The following NCF2 variants were observed in gnomAD, a reference collection of about 807,000 sequenced individuals.
The protein encoded by NCF2 is neutrophil cytosolic factor 2, also known as neutrophil cytosol factor 2.
In NCF2, 45 loss-of-function variants were observed where a neutral mutation model predicts 70.9. The observed-to-expected ratio is 0.63, with a 90% CI of 0.50 to 0.81. The LOEUF (loss-of-function observed/expected upper bound fraction) is 0.81, where lower values mean the gene tolerates loss of function less well. NCF2 is among the 40% of genes least tolerant of loss of function. NCF2 has a pLI of 0.00. For synonymous variants in NCF2, 203 were observed against 233.6 expected (o/e 0.87, Z 1.19); for missense variants, 522 against 631.6 (o/e 0.83, Z 1.86).
rs1558087924 is a variant in NCF2, at chr1:183,556,081, GCTT to G, written c.*34_*36del. ...CTAAATCTTACAAACAAGTAATAGGGCTTCATTTTCTTCAGCTTTGTAGTTTGT... is the reference window on the plus strand; with the variant it reads ...CTAAATCTTACAAACAAGTAATAGGGCATTTTCTTCAGCTTTGTAGTTTGT... On this transcript the variant is annotated 3_prime_UTR_variant, in exon 15 of 15. Transcript: ENST00000367535. 1.3e-6 allele frequency: 2 copies of G among 1,529,526 alleles called. No homozygotes were observed. Among genetic ancestry groups the G allele is most frequent in the Middle Eastern group, 1.7e-4 (1 of 5,906 alleles). 94.7% of individuals were successfully genotyped at this position (1,529,526 alleles called of 1,614,324 possible).
At chr1:183,601,401 A>T in the NCF2 span, among the ~76,000 whole-genome samples, 1 of 152,216 alleles carries the variant, frequency 6.6e-6, no homozygotes, top group African/African-American at 2.4e-5. Flanking sequence ...TATATACATC[A>T]TTTCACACGT....
Position 183,590,452 on chromosome 1 carries a change from A to G in NCF2, c.-123T>C, listed in dbSNP as rs778540553. ...AGGTGTTCACTTTCTGGGCCAGATG[A>G]GTAGAATGGGGCCCAGCCTCCCTTA... On this transcript the variant is annotated 5_prime_UTR_variant, in exon 1 of 15. Transcript: ENST00000367535. 2 of 1,022,228 alleles carry G rather than the reference A, an allele frequency of 2.0e-6. No homozygotes were observed. Among genetic ancestry groups the G allele is most frequent in the East Asian group, 2.5e-5 (1 of 40,022 alleles). The allele number at this position is 1,022,228 out of a possible 1,614,324, so 63.3% of individuals were successfully genotyped here.
rs987799830 is a variant in NCF2 at position 183,555,785 on chromosome 1, T to C, written c.*333A>G. 3 of 344,326 alleles carry C rather than the reference T, an allele frequency of 8.7e-6. No homozygotes were observed. Among genetic ancestry groups the C allele is most frequent in the African/African-American group, 6.2e-5 (3 of 48,240 alleles). 21.3% of individuals were successfully genotyped at this position (344,326 alleles called of 1,614,324 possible). A position where few individuals can be genotyped will look rare whatever the true frequency, so the allele number is the denominator to read the frequency against. ...CCAAATGTACAGCTTGATGAATGTT[T>C]ACAGTGTGAACACAGCTGGCTAGCT... On this transcript the variant is annotated 3_prime_UTR_variant, in exon 15 of 15. Transcript: ENST00000367535.
In NCF2 at chr1:183,586,035, T is replaced by C. The variant is rs789187; in HGVS notation, c.257+860A>G. Among the ~76,000 whole-genome samples, 513 of 152,292 alleles carry C rather than the reference T, an allele frequency of 3.4e-3. 4 individuals carry two copies. Among genetic ancestry groups the C allele is most frequent in the African/African-American group, 0.012 (492 of 41,556 alleles). ...GCTATATGAACTGTTTTGAAATCTG[T>C]TTTTAAATTTAACATCTGGCTGGGC... is the stretch of plus-strand genomic sequence containing the variant. On this transcript the variant is annotated intron_variant, in intron 2 of 14. Coordinates refer to ENST00000367535, the MANE Select transcript of NCF2 (RefSeq NM_000433.4).
intron 13 of NCF2, among the ~76,000 whole-genome samples, chr1:183,561,825 A>G (rs2102879415): frequency 9.3e-6 from 1 of 108,006 alleles, no homozygotes; most frequent in Admixed American, 1.3e-4. Context: ...TTTGAGGCAG[A>G]ATCTCTCTGT....
intron 14 of NCF2, among the ~76,000 whole-genome samples, chr1:183,559,121 C>T (rs1218911505): frequency 4.6e-5 from 7 of 152,154 alleles, no homozygotes; most frequent in Non-Finnish European, 1.5e-5. Flanking sequence ...GTGGGCCCCA[C>T]CCCAGACCTG....
intron 6 of NCF2, 42 bp from the exon 7 acceptor site, chr1:183,569,227 AG>A (rs1195005357): frequency 1.3e-6 from 2 of 1,572,044 alleles, no homozygotes; most frequent in Non-Finnish European, 1.8e-6. Context: ...AAAGGCAATG[AG>A]GGAAAGCAGG....
chr1:183,593,079 C>G (rs914321073), upstream of NCF2, among the ~76,000 whole-genome samples: 1 of 152,192 alleles, frequency 6.6e-6, no homozygotes, highest in African/African-American at 2.4e-5. Context: ...TCTCCTTCTC[C>G]GCACCTCCCA....
chr1:183,589,239 C>G (rs1254136683), intron 1 of NCF2, among the ~76,000 whole-genome samples: 2 of 152,188 alleles, frequency 1.3e-5, no homozygotes, highest in African/African-American at 4.8e-5. Context: ...CCACACCTTG[C>G]AAAGACTGGC....
At chr1:183,579,659 A>G (rs1672966969) in intron 2 of NCF2, among the ~76,000 whole-genome samples, 1 of 150,738 alleles carries the variant, frequency 6.6e-6, no homozygotes, top group African/African-American at 2.4e-5. Context: ...GAATGGCATG[A>G]ACCCAGGAGG....
Position 183,566,872 on chromosome 1 carries a change from A to G in NCF2, c.924+48T>C, listed in dbSNP as rs189877222. The G allele has an allele frequency of 9.7e-5, 156 of 1,602,944 alleles. No individual in the cohort carries two copies. The African/African-American group carries it at 1.8e-3, about 19-fold the overall frequency. ...CTGCTTTTCTCCCCTCCAGGGAGAG[A>G]TCCCTAAAGGGTGAGAGGAAATGGG... On this transcript the variant is annotated intron_variant, in intron 9 of 14. Transcript: ENST00000367535.
At position 183,572,507 on chromosome 1, in the gene NCF2, A is replaced by G. The variant is rs143704221; in HGVS notation, c.609+678T>C. On this transcript the variant is annotated intron_variant, in intron 5 of 14. Coordinates refer to ENST00000367535, the MANE Select transcript of NCF2 (RefSeq NM_000433.4). ...AAGACCTGGATTTAGAAGAAGTCCAATTTAAGACATAGTCTAAACATAGGG... is the reference window on the plus strand; with the variant it reads ...AAGACCTGGATTTAGAAGAAGTCCAGTTTAAGACATAGTCTAAACATAGGG... Among the ~76,000 whole-genome samples the G allele has an allele frequency of 4.2e-3, 646 of 152,318 alleles. 3 individuals carry two copies. Among genetic ancestry groups the G allele is most frequent in the Non-Finnish European group, 7.1e-3 (480 of 68,030 alleles).
intron 2 of NCF2, among the ~76,000 whole-genome samples, chr1:183,584,349 G>A (rs145441637): frequency 1.2e-3 from 182 of 152,294 alleles, no homozygotes; most frequent in African/African-American, 4.2e-3. Flanking sequence ...AGGGAATTGC[G>A]CAAGAGGGCC....
intron 13 of NCF2, among the ~76,000 whole-genome samples, chr1:183,562,405 C>T (rs1672103006): frequency 6.6e-6 from 1 of 152,102 alleles, no homozygotes; most frequent in South Asian, 2.1e-4. Flanking sequence ...TCACTCTTAC[C>T]CCCAGGATCC....
At chr1:183,573,335 G>C in intron 4 of NCF2, 43 bp from the exon 5 acceptor site, 2 of 1,559,616 alleles carry the variant, frequency 1.3e-6, no homozygotes, top group South Asian at 1.1e-5. Flanking sequence ...TGAAAATGGG[G>C]GTGACGATGC....
At chr1:183,594,478 A>G (rs1318458361), upstream of NCF2, among the ~76,000 whole-genome samples, 1 of 152,194 alleles carries the variant, frequency 6.6e-6, no homozygotes, top group Non-Finnish European at 1.5e-5. Context: ...GTTTGGTTAG[A>G]TAATAAGTTT....
At chr1:183,575,327 G>A (rs775556290) in intron 3 of NCF2, among the ~76,000 whole-genome samples, 4 of 152,300 alleles carry the variant, frequency 2.6e-5, no homozygotes, top group African/African-American at 4.8e-5. Context: ...AAAATTAGCT[G>A]GGCATGGTGG....
chr1:183,599,423 CTTCTTTCTTTCTTTCTTTCT>C, the NCF2 span, among the ~76,000 whole-genome samples: 21 of 107,508 alleles, frequency 2.0e-4, no homozygotes, highest in East Asian at 5.2e-4. Context: ...TCTTTCTTTC[CTTCTTTCTTTCTTTCTTTCT>C]TTCTTTCTTT....
the NCF2 span, among the ~76,000 whole-genome samples, chr1:183,601,200 C>T: frequency 3.9e-5 from 6 of 152,156 alleles, no homozygotes; most frequent in African/African-American, 7.2e-5. Flanking sequence ...TCCTCTTCTA[C>T]GCACATATCA....
Sources: gnomAD v4.1 joint callset for allele counts (sites outside exome capture counted in the v4.1 genomes callset) on GRCh38, gnomAD v4.1.1 for gene constraint, MANE v1.5 for transcripts, NCBI Gene and HGNC (gene_info 2026-07-23, HGNC 2026-07-21) for gene names.